COL16A1: variants seen among roughly 807,000 people sequenced by gnomAD.
COL16A1 encodes the protein collagen alpha-1(XVI) chain.
COL16A1 carries 189 observed loss-of-function variants against 266.3 expected under a neutral mutation model. The ratio of observed to expected loss-of-function variants is 0.71; its 90% CI spans 0.63 to 0.80. COL16A1 has a LOEUF of 0.80. Ranked by LOEUF, COL16A1 falls within the 30% of genes least tolerant of loss-of-function variation. COL16A1 has a pLI of 0.00. For synonymous variants in COL16A1, 740 were observed against 782.3 expected, an observed-to-expected ratio of 0.95 and a Z score of 0.90; for missense variants, 1,928 against 2,122.4, an observed-to-expected ratio of 0.91 and a Z score of 1.80.
chr1:31,686,392 C>G, intron 26 of COL16A1, 113 bp from the exon 27 acceptor site: 1 of 1,420,300 alleles, frequency 7.0e-7, no homozygotes, highest in Non-Finnish European at 9.8e-7. Flanking sequence ...ACTACCCTCT[C>G]ATGTCCAGAG....
intron 37 of COL16A1, 105 bp downstream of exon 37, chr1:31,682,829 C>T: frequency 7.0e-7 from 1 of 1,431,458 alleles, no homozygotes; most frequent in Admixed American, 1.9e-5. Flanking sequence ...CTCCTCCCAT[C>T]CCCTGTGCTG....
intron 12 of COL16A1, 37 bp downstream of exon 12, chr1:31,694,107 A>G (rs1292541717): frequency 6.3e-7 from 1 of 1,588,684 alleles, no homozygotes; most frequent in Non-Finnish European, 8.6e-7. Context: ...GGGATGCTAA[A>G]GAGGACGGGA....
intron 44 of COL16A1, 71 bp downstream of exon 44, chr1:31,674,936 G>T: frequency 6.3e-7 from 1 of 1,586,446 alleles, no homozygotes; most frequent in Non-Finnish European, 8.6e-7. Context: ...ACACAGCTGA[G>T]CACTTACTAA....
In COL16A1 at chr1:31,661,660, C is replaced by A; in HGVS notation, c.3726G>T (p.Pro1242=). Residue 1242 remains proline, a splice_region_variant and synonymous_variant, in exon 59 of 71, where the codon CCG becomes CCT. Transcript: ENST00000373672. ...PAGPPGLMGP[P]GFKGKTGHPG... The stretch of plus-strand genomic sequence containing the variant: ...AACTCCTTCCTGCAGCTCAACTTAC[C>A]GGTGGTCCCATGAGTCCAGGGGGGC... 6.2e-7 allele frequency: 1 copy of A among 1,613,460 alleles called. No homozygotes were observed. The highest frequency in any genetic ancestry group is 8.5e-7 in the Non-Finnish European group (1 of 1,179,816).
Position 31,675,000 on chromosome 1 carries a change from C to G in COL16A1, c.2859+7G>C, listed in dbSNP as rs1218221014. ...AGCTCACACTTCCCTCCTGGGTACC[C>G]TCTTACCTTAAGGAGGTGCTGTTCA... On this transcript the variant is annotated splice_region_variant and intron_variant, in intron 44 of 70. Coordinates refer to ENST00000373672, the MANE Select transcript of COL16A1 (RefSeq NM_001856.4). 7 of 1,611,962 alleles carry G rather than the reference C, an allele frequency of 4.3e-6. No homozygotes were observed. The highest frequency in any genetic ancestry group is 5.9e-6 in the Non-Finnish European group (7 of 1,178,922).
intron 23 of COL16A1, 120 bp from the exon 24 acceptor site, chr1:31,689,205 C>T: frequency 1.3e-6 from 2 of 1,515,172 alleles, no homozygotes; most frequent in Non-Finnish European, 1.8e-6. Flanking sequence ...CTAGGGGTCC[C>T]ATGGGGTCCA....
chr1:31,690,155 A>C (rs1213628124), intron 22 of COL16A1, among the ~76,000 whole-genome samples: 15 of 152,168 alleles, frequency 9.9e-5, no homozygotes, highest in Admixed American at 9.8e-4. Context: ...ATTCATAACC[A>C]TGTGTGTGGT....
chr1:31,655,531 A>C, intron 66 of COL16A1, 29 bp from the exon 67 acceptor site: 1 of 1,610,072 alleles, frequency 6.2e-7, no homozygotes, highest in Non-Finnish European at 8.5e-7. Flanking sequence ...AGTGCTGTCA[A>C]ATTTACATCA....
In COL16A1 at chr1:31,657,000, C is replaced by G. The variant is rs1040414838; in HGVS notation, c.4056+33G>C. On this transcript the variant is annotated intron_variant, in intron 65 of 70. Transcript: ENST00000373672. This position sits in a 1 kb window ranked among gnomAD's most constrained non-coding sequence, Gnocchi z 4.2. ...GCAAGGCGAGGAGCAAGAAGCACCC[C>G]CAAGGAAACAGAGAAGACCAGTACA... 1 of 1,613,914 alleles carries G rather than the reference C, an allele frequency of 6.2e-7. No homozygotes were observed. The highest frequency in any genetic ancestry group is 8.5e-7 in the Non-Finnish European group (1 of 1,179,970).
chr1:31,692,025 G>T lies in COL16A1; in HGVS notation c.1237C>A (p.Pro413Thr). The stretch of plus-strand genomic sequence containing the variant: ...CCTACGTCCCGGCCTGGCTTTCCCG[G>T]CACGCCCTTGATGCCTCCGTCGCCC... ...EKGDGGIKGV[P>T]GKPGRDGRPG... is the part of the protein sequence containing the mutation. Residue 413 changes from proline to threonine, a missense_variant, in exon 17 of 71, where the codon CCG (proline) becomes ACG (threonine). By Grantham distance (38) the Pro-to-Thr change is conservative. This residue lies in a region of COL16A1 where 1,552 missense variants were observed against 1,637.2 expected (regional missense o/e 0.95). Coordinates refer to ENST00000373672, the MANE Select transcript of COL16A1 (RefSeq NM_001856.4). 6.2e-7 allele frequency: 1 copy of T among 1,613,856 alleles called. No individual in the cohort carries two copies.
intron 1 of COL16A1, among the ~76,000 whole-genome samples, chr1:31,702,679 A>G (rs1483620740): frequency 1.3e-5 from 2 of 152,160 alleles, no homozygotes; most frequent in Non-Finnish European, 2.9e-5. Context: ...TACCAGCCTG[A>G]TACCTTACTA....
Position 31,688,581 on chromosome 1 carries a change from C to T in COL16A1, c.1768-79G>A. 6 of 1,564,178 alleles carry T rather than the reference C, an allele frequency of 3.8e-6. No homozygotes were observed. The highest frequency in any genetic ancestry group is 2.2e-5 in the South Asian group (2 of 90,092). On this transcript the variant is annotated intron_variant, in intron 25 of 70. Transcript: ENST00000373672. This position sits in a 1 kb window ranked among gnomAD's most constrained non-coding sequence, Gnocchi z 4.9. ...GGCTCCCCGGGTCCCAGTGTCCAAC[C>T]AGAAACAGAACGGTAAGATAGGAAT...
rs778941397 is a variant in COL16A1 at position 31,667,580 on chromosome 1, C to T, written c.3352G>A (p.Glu1118Lys). ...CCCACGCCGCTGGGACTCACCGGCT[C>T]TCCTTTCTCTCCCGCTGACCCGGTG... ...GYTGSAGEKG[E>K]PGPPGSEGLP... Residue 1118 changes from glutamate to lysine, a missense_variant, in exon 52 of 71, where the codon GAG (glutamate) becomes AAG (lysine). Glu to Lys is a moderately conservative substitution (Grantham distance 56). Around this residue, in one of 2 missense-constraint regions of COL16A1, gnomAD observed 1,552 missense variants for 1,637.2 expected, o/e 0.95. Transcript: ENST00000373672. 5.6e-6 allele frequency: 9 copies of T among 1,598,354 alleles called. No individual in the cohort carries two copies. The East Asian group carries it at 1.4e-4, about 24-fold the overall frequency.
At position 31,675,050 on chromosome 1, in the gene COL16A1, C is replaced by T; in HGVS notation, c.2827-11G>A. 2 of 1,613,284 alleles carry T rather than the reference C, an allele frequency of 1.2e-6. No homozygotes were observed. The highest frequency in any genetic ancestry group is 1.7e-6 in the Non-Finnish European group (2 of 1,179,636). On this transcript the variant is annotated splice_polypyrimidine_tract_variant and intron_variant, in intron 43 of 70. Coordinates refer to ENST00000373672, the MANE Select transcript of COL16A1 (RefSeq NM_001856.4). ...AATTGGTAAGGATCCCTGCAAGAGA[C>T]AGATGTGTGGGCTCAAGCAGGTGAG...
intron 12 of COL16A1, among the ~76,000 whole-genome samples, chr1:31,693,765 T>C (rs1387286105): frequency 2.0e-5 from 3 of 152,168 alleles, no homozygotes; most frequent in East Asian, 1.9e-4. Context: ...CAGAGATGCA[T>C]GTAGCCACAC....
chr1:31,671,319 C>T (rs1334475009), intron 48 of COL16A1, among the ~76,000 whole-genome samples: 1 of 152,208 alleles, frequency 6.6e-6, no homozygotes, highest in Non-Finnish European at 1.5e-5. Flanking sequence ...CCGAGGGCGG[C>T]CTGGGGCCAC....
At chr1:31,659,428 C>A (rs1017721130) in intron 62 of COL16A1, among the ~76,000 whole-genome samples, 4 of 152,170 alleles carry the variant, frequency 2.6e-5, no homozygotes, top group African/African-American at 4.8e-5. Context: ...TCCATAGTGA[C>A]AAGGAGCTAA....
At position 31,652,559 on chromosome 1, in the gene COL16A1, C is replaced by A. The variant is rs1061392; in HGVS notation, c.*92G>T. On this transcript the variant is annotated 3_prime_UTR_variant, in exon 71 of 71. Transcript: ENST00000373672. This position sits in a 1 kb window ranked among gnomAD's most constrained non-coding sequence, Gnocchi z 4.8. ...CAGCAATTAAAAACAACAACAACAACAAAAAAAACATTCACAACCTGTCAC... is the reference window on the plus strand; with the variant it reads ...CAGCAATTAAAAACAACAACAACAAAAAAAAAAACATTCACAACCTGTCAC... The A allele has an allele frequency of 0.54, 669,559 of 1,232,284 alleles. 173,095 individuals are homozygous for A. Among genetic ancestry groups the A allele is most frequent in the Non-Finnish European group, 0.57 (536,324 of 941,230 alleles). 76.3% of individuals were successfully genotyped at this position (1,232,284 alleles called of 1,614,324 possible).
intron 8 of COL16A1, 107 bp downstream of exon 8, chr1:31,696,856 C>T: frequency 6.4e-7 from 1 of 1,566,360 alleles, no homozygotes; most frequent in African/African-American, 1.3e-5. Flanking sequence ...CCCTCCTGCC[C>T]TGGGCCCATG....
Sources: gnomAD v4.1 joint callset for allele counts (sites outside exome capture counted in the v4.1 genomes callset) on GRCh38, gnomAD v4.1.1 for gene constraint, gnomAD v4.1.1 regional missense constraint, Gnocchi (gnomAD v3.1) non-coding constraint, MANE v1.5 for transcripts, NCBI Gene and HGNC (gene_info 2026-07-23, HGNC 2026-07-21) for gene names.